STRA6: variants seen among roughly 807,000 people sequenced by gnomAD.
STRA6 encodes receptor for retinol uptake STRA6.
Under a neutral mutation model 83.6 loss-of-function variants are expected in STRA6, and 48 were observed. The ratio of observed to expected loss-of-function variants is 0.57; its 90% confidence interval spans 0.46 to 0.73. The LOEUF is 0.73. Ranked by LOEUF, STRA6 falls within the 30% of genes least tolerant of loss-of-function variation. The pLI is 0.00. For synonymous variants in STRA6, 353 were observed against 362.3 expected, an observed-to-expected ratio of 0.97 and a Z score of 0.29; for missense variants, 760 against 838.8, an observed-to-expected ratio of 0.91 and a Z score of 1.16.
At chr15:74,195,541 C>T in intron 6 of STRA6, 73 bp from the exon 7 acceptor site, 1 of 1,588,440 alleles carries the variant, frequency 6.3e-7, no homozygotes, top group Non-Finnish European at 8.6e-7. Context: ...CCCACCCAGG[C>T]CTCTCTTCGG....
intron 11 of STRA6, among the ~76,000 whole-genome samples, chr15:74,190,019 C>T (rs923674816): frequency 2.0e-5 from 3 of 152,048 alleles, no homozygotes; most frequent in African/African-American, 4.8e-5. Flanking sequence ...TTAGAGATAA[C>T]GAGGTATACT....
At chr15:74,206,021 G>T (rs1423542166), upstream of STRA6, among the ~76,000 whole-genome samples, 1 of 152,214 alleles carries the variant, frequency 6.6e-6, no homozygotes, top group Non-Finnish European at 1.5e-5. Flanking sequence ...CCTGGGACTG[G>T]CTATGTGGCC....
chr15:74,203,043 C>G (rs1027710123), upstream of STRA6: 115 of 985,786 alleles, frequency 1.2e-4, no homozygotes, highest in Non-Finnish European at 1.3e-4. Flanking sequence ...AGCCCCTGCC[C>G]GCCACATCTG....
At chr15:74,204,290 C>T (rs2074205210), upstream of STRA6, among the ~76,000 whole-genome samples, 1 of 152,254 alleles carries the variant, frequency 6.6e-6, no homozygotes, top group South Asian at 2.1e-4. Flanking sequence ...CTCCTCCTGC[C>T]TTCCCCTGAT....
chr15:74,196,791 G>T (rs1243022968), intron 4 of STRA6, among the ~76,000 whole-genome samples: 1 of 152,208 alleles, frequency 6.6e-6, no homozygotes, highest in Non-Finnish European at 1.5e-5. Context: ...TCTACACCAA[G>T]GAGCCACCCA....
chr15:74,191,950 T>G, intron 8 of STRA6: 1 of 242,102 alleles, frequency 4.1e-6, no homozygotes. Context: ...GCAAGGGAGA[T>G]CACAAGGGTG....
chr15:74,200,207 C>T (rs747658880), intron 2 of STRA6, among the ~76,000 whole-genome samples: 4 of 152,132 alleles, frequency 2.6e-5, no homozygotes, highest in East Asian at 1.9e-4. Context: ...GCAACAAGAG[C>T]GAGACTCCAT....
upstream of STRA6, chr15:74,203,027 C>T: frequency 1.0e-6 from 1 of 986,006 alleles, no homozygotes; most frequent in Middle Eastern, 5.2e-4. Flanking sequence ...TGCCCCAGAG[C>T]TCCCAAGCCC....
rs187699209 is a variant in STRA6 at position 74,196,178 on chromosome 15, G to C, written c.267-31C>G. ...ACAGAGGCAAGGACAGGGCAGGAGG[G>C]AGTTGCTCAGCCCCTGCACCCCCAT... On this transcript the variant is annotated intron_variant, in intron 4 of 18. Coordinates refer to ENST00000395105, the MANE Select transcript of STRA6 (RefSeq NM_022369.4). 3.9e-3 allele frequency: 6,323 copies of C among 1,611,800 alleles called. 24 individuals are homozygous for C. Among genetic ancestry groups the C allele is most frequent in the Middle Eastern group, 0.014 (82 of 6,062 alleles).
chr15:74,184,327 T>C (rs1445864025), intron 13 of STRA6, among the ~76,000 whole-genome samples: 2 of 152,158 alleles, frequency 1.3e-5, no homozygotes, highest in Admixed American at 6.5e-5. Context: ...CTGAGGAGCC[T>C]TGAATGCCAG....
At chr15:74,201,946 C>T (rs1205960537) in intron 2 of STRA6, among the ~76,000 whole-genome samples, 1 of 152,258 alleles carries the variant, frequency 6.6e-6, no homozygotes, top group East Asian at 1.9e-4. Flanking sequence ...GTCTTAACAG[C>T]AGGGTGAGGG....
In STRA6 at chr15:74,190,996, A is replaced by T. The variant is rs1199709221; in HGVS notation, c.866-95T>A. The T allele has an allele frequency of 2.5e-6, 4 of 1,587,392 alleles. No homozygotes were observed. In the South Asian group the frequency reaches 3.4e-5, roughly 14 times the overall value. On this transcript the variant is annotated intron_variant, in intron 10 of 18. Transcript: ENST00000395105. ...GGGGCCCAGGAAAAGGGCCAGCAGG[A>T]CCCTAAATGACCAAGGCCAGGCCAG...
At chr15:74,199,152 GC>G (rs1445608268) in intron 2 of STRA6, among the ~76,000 whole-genome samples, 1 of 152,228 alleles carries the variant, frequency 6.6e-6, no homozygotes, top group Admixed American at 6.5e-5. Context: ...GGGCTTAGCC[GC>G]CCACCAAAAC....
intron 2 of STRA6, among the ~76,000 whole-genome samples, chr15:74,200,576 C>T (rs1373045701): frequency 6.6e-6 from 1 of 152,228 alleles, no homozygotes; most frequent in Non-Finnish European, 1.5e-5. Flanking sequence ...TGCAACATGT[C>T]CCCAGGGTGT....
At chr15:74,204,179 G>C (rs1235418977), upstream of STRA6, among the ~76,000 whole-genome samples, 1 of 152,208 alleles carries the variant, frequency 6.6e-6, no homozygotes, top group Non-Finnish European at 1.5e-5. Context: ...TTGATGTAAT[G>C]AGGAGCCCAC....
chr15:74,203,314 C>T, upstream of STRA6: 1 of 563,220 alleles, frequency 1.8e-6, no homozygotes, highest in Non-Finnish European at 2.3e-6. Flanking sequence ...CAAGAGGAGC[C>T]CCGCCTGCCT....
chr15:74,211,109 G>A (rs2074361025), upstream of STRA6, among the ~76,000 whole-genome samples: 1 of 146,634 alleles, frequency 6.8e-6, no homozygotes, highest in African/African-American at 2.5e-5. Flanking sequence ...CTGACCTAGG[G>A]GAAGTTTTGC....
At chr15:74,185,312 C>T (rs960842763) in intron 12 of STRA6, among the ~76,000 whole-genome samples, 3 of 152,262 alleles carry the variant, frequency 2.0e-5, no homozygotes, top group African/African-American at 7.2e-5. Context: ...AGTCCTCACC[C>T]TGCTGTTGCT....
intron 12 of STRA6, among the ~76,000 whole-genome samples, chr15:74,185,424 C>T (rs1370688886): frequency 1.3e-5 from 2 of 152,252 alleles, no homozygotes; most frequent in African/African-American, 4.8e-5. Flanking sequence ...CTCCCCAGGC[C>T]CCCATTTGCT....
Sources: gnomAD v4.1 joint callset for allele counts (sites outside exome capture counted in the v4.1 genomes callset) on GRCh38, gnomAD v4.1.1 for gene constraint, MANE v1.5 for transcripts, NCBI Gene and HGNC (gene_info 2026-07-23, HGNC 2026-07-21) for gene names.